Variants in TNPO3 observed in about 807,000 individuals in gnomAD.
The protein encoded by TNPO3 is transportin-3.
TNPO3 carries 65 observed loss-of-function variants against 122.8 expected under a neutral mutation model. That is an observed-to-expected ratio of 0.53 (90% CI 0.43 to 0.65). TNPO3 has a LOEUF of 0.65. Among genes scored for constraint, TNPO3 ranks in the 30% least tolerant of loss-of-function variants. The pLI is 0.00. For missense variants in TNPO3, 850 were observed against 1,136.7 expected, an observed-to-expected ratio of 0.75 and a Z score of 3.63; for synonymous variants, 372 against 411.2, an observed-to-expected ratio of 0.90 and a Z score of 1.15.
chr7:129,024,995 C>T (rs147785291), intron 1 of TNPO3, among the ~76,000 whole-genome samples: 18 of 151,572 alleles, frequency 1.2e-4, no homozygotes, highest in African/African-American at 4.1e-4. Flanking sequence ...GTGAGACAGT[C>T]TTAAAAATAA....
intron 1 of TNPO3, among the ~76,000 whole-genome samples, chr7:129,045,023 A>T (rs1807852665): frequency 6.6e-6 from 1 of 152,222 alleles, no homozygotes; most frequent in African/African-American, 2.4e-5. Context: ...CAGCCTTAAA[A>T]AGGAAGGAAT....
At chr7:129,033,244 T>C (rs1030160268) in intron 1 of TNPO3, among the ~76,000 whole-genome samples, 3 of 152,196 alleles carry the variant, frequency 2.0e-5, no homozygotes, top group East Asian at 1.9e-4. Flanking sequence ...TTCATAATCA[T>C]TGCAATTGAC....
At chr7:128,956,933 A>G (rs570317487) in intron 22 of TNPO3, among the ~76,000 whole-genome samples, 1 of 152,346 alleles carries the variant, frequency 6.6e-6, no homozygotes, top group South Asian at 2.1e-4. Flanking sequence ...CCATCTTAGA[A>G]GTGTCTGTAA....
At chr7:129,046,195 CA>C (rs5887409) in intron 1 of TNPO3, among the ~76,000 whole-genome samples, 7,383 of 78,794 alleles carry the variant, frequency 0.094, 89 homozygotes, top group South Asian at 0.18. Context: ...GACTCCGTCT[CA>C]AAAAAAAAAA....
chr7:129,001,002 AAAAG>A, intron 6 of TNPO3, 53 bp downstream of exon 6: 1 of 1,566,698 alleles, frequency 6.4e-7, no homozygotes, highest in Non-Finnish European at 8.7e-7. Context: ...AAAGTGACTT[AAAAG>A]AATGACCAGA....
At chr7:129,047,075 T>TA (rs1425638894) in intron 1 of TNPO3, among the ~76,000 whole-genome samples, 13 of 152,180 alleles carry the variant, frequency 8.5e-5, no homozygotes, top group Non-Finnish European at 1.9e-4. Context: ...AATGCCAACT[T>TA]AGTCTATCAA....
At chr7:129,012,552 T>C (rs1803338592) in intron 4 of TNPO3, among the ~76,000 whole-genome samples, 1 of 152,126 alleles carries the variant, frequency 6.6e-6, no homozygotes, top group Non-Finnish European at 1.5e-5. Context: ...AACCACAAAG[T>C]ATAATGCAAA....
intron 1 of TNPO3, among the ~76,000 whole-genome samples, chr7:129,031,967 A>G (rs1214625336): frequency 1.3e-5 from 2 of 152,220 alleles, no homozygotes; most frequent in Non-Finnish European, 2.9e-5. Flanking sequence ...GATTACAGGC[A>G]TGAGCCATCA....
chr7:129,003,950 A>G (rs1055140441), intron 5 of TNPO3, among the ~76,000 whole-genome samples: 1 of 152,174 alleles, frequency 6.6e-6, no homozygotes, highest in Non-Finnish European at 1.5e-5. Context: ...TTTTTAAACA[A>G]AAGTGGGACA....
intron 21 of TNPO3, among the ~76,000 whole-genome samples, chr7:128,962,094 G>T (rs1020234791): frequency 6.6e-6 from 1 of 152,058 alleles, no homozygotes; most frequent in Admixed American, 6.6e-5. Context: ...GGCCAGGCGC[G>T]GTGGCTCACA....
intron 5 of TNPO3, among the ~76,000 whole-genome samples, chr7:129,004,260 C>G (rs561757728): frequency 4.3e-4 from 65 of 152,284 alleles, no homozygotes; most frequent in African/African-American, 1.4e-3. Flanking sequence ...ATTCACAATA[C>G]ATGCAGCTTC....
At chr7:128,999,116 G>A (rs1055189689) in intron 7 of TNPO3, among the ~76,000 whole-genome samples, 11 of 152,234 alleles carry the variant, frequency 7.2e-5, no homozygotes, top group African/African-American at 2.4e-4. Context: ...CTCCCAAGGT[G>A]CTGACAGGCG....
At chr7:128,957,395 C>T (rs985805767) in intron 21 of TNPO3, 80 bp from the exon 22 acceptor site, 18 of 1,412,644 alleles carry the variant, frequency 1.3e-5, no homozygotes, top group South Asian at 4.7e-5. Context: ...CATTGGGGCA[C>T]ACTGAGAACC....
At chr7:129,055,240 G>GGAGCCGGGAAGAA (rs1349045315), upstream of TNPO3, 1 of 161,352 alleles carries the variant, frequency 6.2e-6, no homozygotes, top group Non-Finnish European at 1.4e-5. Context: ...TGCCGGGCCA[G>GGAGCCGGGAAGAA]GAGCCGGGAA....
intron 14 of TNPO3, among the ~76,000 whole-genome samples, chr7:128,981,003 C>G (rs1407133536): frequency 6.6e-6 from 1 of 152,164 alleles, no homozygotes; most frequent in Non-Finnish European, 1.5e-5. Flanking sequence ...TAACTACAAA[C>G]TACTTTAAAG....
intron 3 of TNPO3, among the ~76,000 whole-genome samples, chr7:129,016,066 A>C (rs11760442): frequency 0.64 from 96,639 of 151,678 alleles, 31,084 homozygotes; most frequent in Middle Eastern, 0.71. Context: ...GCCTGGGTGA[A>C]ACAGCAAGAC....
intron 21 of TNPO3, among the ~76,000 whole-genome samples, chr7:128,963,473 TA>T (rs1386631200): frequency 6.6e-6 from 1 of 152,178 alleles, no homozygotes; most frequent in Non-Finnish European, 1.5e-5. Flanking sequence ...AGATTCATAG[TA>T]AAAGCAATCA....
chr7:129,018,662 C>T (rs951894160), intron 1 of TNPO3, among the ~76,000 whole-genome samples: 2 of 152,198 alleles, frequency 1.3e-5, no homozygotes, highest in Non-Finnish European at 2.9e-5. Context: ...TATTAGTTCC[C>T]GACAAAATAG....
At chr7:128,996,185 G>C (rs957280726) in intron 8 of TNPO3, among the ~76,000 whole-genome samples, 1 of 152,160 alleles carries the variant, frequency 6.6e-6, no homozygotes, top group Middle Eastern at 3.2e-3. Flanking sequence ...CTAGATTAAA[G>C]GACGGATTCA....
Sources: allele counts gnomAD v4.1 joint callset (sites outside exome capture counted in the v4.1 genomes callset), GRCh38; gene constraint gnomAD v4.1.1; transcripts MANE v1.5; gene names NCBI Gene and HGNC (gene_info 2026-07-23, HGNC 2026-07-21).